The following SBF1 variants were observed in gnomAD, a reference collection of about 807,000 sequenced individuals.
SBF1 encodes the protein SET binding factor 1, also known as myotubularin-related protein 5.
A neutral mutation model predicts 215.8 loss-of-function variants in SBF1; 65 were observed. That is an observed-to-expected ratio of 0.30 (90% CI 0.25 to 0.37). SBF1 has a LOEUF of 0.37. Ranked by LOEUF, SBF1 falls within the 10% of genes least tolerant of loss-of-function variation. The probability of loss-of-function intolerance (pLI) is 1.00; values close to 1 mark genes in which losing one functional copy is unlikely to be tolerated. For synonymous variants in SBF1, 1,410 were observed against 1,122.8 expected (o/e 1.26, Z -5.11); for missense variants, 2,634 against 2,667.8 (o/e 0.99, Z 0.28).
Position 50,461,854 on chromosome 22 carries a change from T to A in SBF1, c.2585A>T (p.His862Leu). The change falls in exon 21 of 41, where the codon CAC becomes CTC. Residue 862 changes from histidine (H) to leucine (L), a missense_variant. Transcript: ENST00000380817. ...HVMVPDIVQM[H>L]IETLEAVQRE... ...CTGCACGGCCTCCAGGGTCTCGATG[T>A]GCATCTGGACAATGTCTGGGGGAAG... 1 of 1,613,902 alleles carries A rather than the reference T, an allele frequency of 6.2e-7. No individual in the cohort carries two copies. The highest frequency in any genetic ancestry group is 8.5e-7 in the Non-Finnish European group (1 of 1,180,016).
chr22:50,457,095 G>A lies in SBF1; in HGVS notation c.3843C>T (p.Ala1281=). 6.7e-7 allele frequency: 1 copy of A among 1,489,882 alleles called. No individual in the cohort carries two copies. The highest frequency in any genetic ancestry group is 1.5e-5 in the African/African-American group (1 of 67,992). The allele number at this position is 1,489,882 out of a possible 1,614,324, so 92.3% of individuals were successfully genotyped here. Residue 1281 remains alanine, a synonymous_variant, in exon 29 of 41, where the codon GCC becomes GCT. Transcript: ENST00000380817. ...HMGSHVPSPR[A]RVTTLSNPMA... ...TGGGGTTGGACAGCGTGGTGACCCTGGCTCTGGGGCTGGGAACTGAGGGCA... is the reference window on the plus strand; with the variant it reads ...TGGGGTTGGACAGCGTGGTGACCCTAGCTCTGGGGCTGGGAACTGAGGGCA...
chr22:50,447,933 G>C (rs1178865422), intron 38 of SBF1, among the ~76,000 whole-genome samples: 1 of 152,240 alleles, frequency 6.6e-6, no homozygotes, highest in Non-Finnish European at 1.5e-5. Flanking sequence ...CTTACGAGGA[G>C]AGGGATGGCC....
At chr22:50,465,465 C>T in intron 10 of SBF1, 137 bp from the exon 11 acceptor site, 1 of 743,930 alleles carries the variant, frequency 1.3e-6, no homozygotes, top group South Asian at 1.8e-5. Flanking sequence ...ATTCTGCACT[C>T]AGGGCCACCA....
In SBF1 at chr22:50,447,416, T is replaced by C. The variant is rs749924188; in HGVS notation, c.5489A>G (p.Lys1830Arg). Reference sequence around the variant, plus strand: ...CACCTCCGCCAAGTCGATGACACCCTTGCACTCTGTGTCCACACGGTGGTC... The same window carrying C: ...CACCTCCGCCAAGTCGATGACACCCCTGCACTCTGTGTCCACACGGTGGTC... The part of the protein sequence containing the change: ...YYDHRVDTEC[K>R]GVIDLAEVEA... Residue 1830 changes from lysine to arginine, a missense_variant, in exon 40 of 41, where the codon AAG (lysine) becomes AGG (arginine). Physicochemically the swap from Lys to Arg is conservative, Grantham distance 26. Coordinates refer to ENST00000380817, the MANE Select transcript of SBF1 (RefSeq NM_002972.4). The C allele has an allele frequency of 2.9e-5, 46 of 1,613,796 alleles. No individual in the cohort carries two copies. Among genetic ancestry groups the C allele is most frequent in the Admixed American group, 5.0e-5 (3 of 59,998 alleles).
At chr22:50,448,207 T>C (rs751678674) in intron 38 of SBF1, 26 bp downstream of exon 38, 14 of 1,603,190 alleles carry the variant, frequency 8.7e-6, no homozygotes, top group East Asian at 4.5e-5. Context: ...GAGGTGTCCA[T>C]GTGGCAGTGG....
chr22:50,456,007 C>T, intron 31 of SBF1: 1 of 604,636 alleles, frequency 1.7e-6, no homozygotes, highest in Middle Eastern at 4.4e-4. Flanking sequence ...ATGCCCAAGC[C>T]CTGGCCACTC....
At chr22:50,460,811 A>G (rs1243670467) in intron 23 of SBF1, 99 bp from the exon 24 acceptor site, 1 of 1,324,552 alleles carries the variant, frequency 7.5e-7, no homozygotes, top group Non-Finnish European at 1.1e-6. Flanking sequence ...CAGCCATGAC[A>G]GAGAGAGAAG....
Position 50,461,469 on chromosome 22 carries a change from T to A in SBF1, c.2839+54A>T. 1.3e-6 allele frequency: 2 copies of A among 1,531,366 alleles called. 1 individual carries two copies. The highest frequency in any genetic ancestry group is 2.4e-5 in the South Asian group (2 of 83,240). 94.9% of individuals were successfully genotyped at this position (1,531,366 alleles called of 1,614,324 possible). On this transcript the variant is annotated intron_variant, in intron 22 of 40. Coordinates refer to ENST00000380817, the MANE Select transcript of SBF1 (RefSeq NM_002972.4). Reference sequence around the variant, plus strand: ...GAGGGAGGCAGGGAAAGCCCATCCATCCCAAAGACCTGGGGGAGAGGGGGC... The same window carrying A: ...GAGGGAGGCAGGGAAAGCCCATCCAACCCAAAGACCTGGGGGAGAGGGGGC...
At chr22:50,448,107 C>A in intron 38 of SBF1, 126 bp downstream of exon 38, 1 of 842,104 alleles carries the variant, frequency 1.2e-6, no homozygotes. Flanking sequence ...CCAAACCCCT[C>A]CCAGTGGTGG....
In SBF1 at chr22:50,466,017, G is replaced by C; in HGVS notation, c.955C>G (p.His319Asp). The change falls in exon 9 of 41, where the codon CAC becomes GAC. Residue 319 changes from histidine to aspartate, a missense_variant. Transcript: ENST00000380817. ...GGTVTIPECV[H>D]IPPLPEPLQS... ...AGTGGCTCTGGCAAGGGTGGAATGT[G>C]CACACACTCAGGAATGGTGACCGTC... 1 of 1,613,956 alleles carries C rather than the reference G, an allele frequency of 6.2e-7. No homozygotes were observed.
Position 50,465,942 on chromosome 22 carries a change from T to A in SBF1, c.1011+19A>T, listed in dbSNP as rs1477671527. On this transcript the variant is annotated intron_variant, in intron 9 of 40. Transcript: ENST00000380817. The stretch of plus-strand genomic sequence containing the variant: ...CCCAAAGGCCCCCAAGGCTCCCGCT[T>A]GCCCATGGTGCCCCTCACCATGCTC... 5.0e-6 allele frequency: 8 copies of A among 1,612,486 alleles called. No individual in the cohort carries two copies. Among genetic ancestry groups the A allele is most frequent in the Non-Finnish European group, 6.8e-6 (8 of 1,178,776 alleles).
intron 5 of SBF1, chr22:50,467,062 G>A (rs1364103381): frequency 1.9e-5 from 11 of 582,462 alleles, no homozygotes; most frequent in Non-Finnish European, 3.1e-5. Flanking sequence ...CAGGCACAGG[G>A]CAGGGAGCAG....
intron 28 of SBF1, chr22:50,457,369 C>T (rs1186186246): frequency 4.8e-6 from 2 of 416,352 alleles, no homozygotes; most frequent in African/African-American, 4.1e-5. Context: ...TCTCCTCTAA[C>T]ACTTCCTTTC....
At chr22:50,474,597 C>A (rs1003408574) in intron 1 of SBF1, among the ~76,000 whole-genome samples, 189 bp downstream of exon 1, 5 of 150,286 alleles carry the variant, frequency 3.3e-5, no homozygotes, top group Non-Finnish European at 5.9e-5. Flanking sequence ...CTCGGCTCCC[C>A]CGACCCCGGC....
chr22:50,473,864 G>A (rs1014041195), intron 1 of SBF1, among the ~76,000 whole-genome samples: 6 of 152,244 alleles, frequency 3.9e-5, no homozygotes, highest in African/African-American at 1.4e-4. Context: ...AGGCCAGGCA[G>A]TCAGCTTATC....
rs1603434027 is a variant in SBF1, at chr22:50,466,624, G to C, written c.636C>G (p.Ala212=). The change falls in exon 6 of 41, where the codon GCC becomes GCG. Residue 212 remains alanine, a synonymous_variant. Coordinates refer to ENST00000380817, the MANE Select transcript of SBF1 (RefSeq NM_002972.4). ...GCTCACCTAGCTGGCGGAAGAGCAG[G>C]GCCACGCTGCAGCGGCTGACGGGCA... The part of the protein sequence containing the change: ...DSLPVSRCSV[A]LLFRQLGITN... 1.9e-6 allele frequency: 3 copies of C among 1,552,776 alleles called. No homozygotes were observed. Among genetic ancestry groups the C allele is most frequent in the Non-Finnish European group, 2.6e-6 (3 of 1,147,762 alleles).
intron 1 of SBF1, among the ~76,000 whole-genome samples, chr22:50,474,194 G>A (rs193173741): frequency 2.4e-4 from 36 of 152,312 alleles, no homozygotes; most frequent in Middle Eastern, 6.8e-3. Context: ...CGCCAGGAAT[G>A]CTCTTCTCTC....
chr22:50,460,507 T>G, intron 24 of SBF1, 27 bp downstream of exon 24: 1 of 1,611,636 alleles, frequency 6.2e-7, no homozygotes, highest in East Asian at 2.2e-5. Context: ...GAGGCCCAGC[T>G]GCCCTGCCTG....
rs2066730301 is a variant in SBF1 at position 50,445,173 on chromosome 22, C to G, written c.*1969G>C. Reference sequence around the variant, plus strand: ...CTCCTCCAGCACCTCTTTTGTGGGCCCGCCACCCCCCAGCGTTATCCCCGT... The same window carrying G: ...CTCCTCCAGCACCTCTTTTGTGGGCGCGCCACCCCCCAGCGTTATCCCCGT... On this transcript the variant is annotated 3_prime_UTR_variant, in exon 41 of 41. Coordinates refer to ENST00000380817, the MANE Select transcript of SBF1 (RefSeq NM_002972.4). 6.6e-6 allele frequency: 1 copy of G among 152,432 alleles called. No individual in the cohort carries two copies. 9.4% of individuals were successfully genotyped at this position (152,432 alleles called of 1,614,324 possible).
Sources: gnomAD v4.1 joint callset for allele counts (sites outside exome capture counted in the v4.1 genomes callset) on GRCh38, gnomAD v4.1.1 for gene constraint, MANE v1.5 for transcripts, NCBI Gene and HGNC (gene_info 2026-07-23, HGNC 2026-07-21) for gene names.